ZNF804B: variants seen among roughly 807,000 people sequenced by gnomAD.
The protein encoded by ZNF804B is zinc finger protein 804B.
ZNF804B carries 80 observed loss-of-function variants against 101.4 expected under a neutral mutation model. The observed-to-expected ratio is 0.79, with a 90% CI of 0.66 to 0.95. ZNF804B has a LOEUF of 0.95. Among genes scored for constraint, ZNF804B ranks in the 40% least tolerant of loss-of-function variants. ZNF804B has a pLI of 0.00. For synonymous variants in ZNF804B, 622 were observed against 558.8 expected (o/e 1.11, Z -1.59); for missense variants, 1,673 against 1,561.9 (o/e 1.07, Z -1.20).
At chr7:88,967,105 T>G (rs1793466740) in intron 1 of ZNF804B, among the ~76,000 whole-genome samples, 1 of 151,542 alleles carries the variant, frequency 6.6e-6, no homozygotes, top group Non-Finnish European at 1.5e-5. Context: ...AACCTTTCAG[T>G]TTTTGATAGT....
At chr7:89,282,324 A>G (rs1208876) in intron 2 of ZNF804B, among the ~76,000 whole-genome samples, 114,370 of 151,922 alleles carry the variant, frequency 0.75, 44,311 homozygotes, top group African/African-American at 0.9. Context: ...ACATGTGCCT[A>G]TGGTATTGCA....
intron 2 of ZNF804B, among the ~76,000 whole-genome samples, chr7:89,308,988 T>G (rs781726021): frequency 2.2e-4 from 34 of 152,182 alleles, no homozygotes; most frequent in Non-Finnish European, 4.6e-4. Context: ...TTTATTTATT[T>G]ATTTAACTTT....
At chr7:89,125,762 A>G (rs2116372549) in intron 1 of ZNF804B, among the ~76,000 whole-genome samples, 1 of 152,244 alleles carries the variant, frequency 6.6e-6, no homozygotes, top group South Asian at 2.1e-4. Context: ...CCTTTGTTCA[A>G]GTGACTGCAA....
intron 2 of ZNF804B, among the ~76,000 whole-genome samples, chr7:89,276,639 A>G (rs1187004697): frequency 6.6e-6 from 1 of 151,972 alleles, no homozygotes; most frequent in Non-Finnish European, 1.5e-5. Context: ...AAATAAAATC[A>G]TAAAAAATTC....
At position 89,302,774 on chromosome 7, in the gene ZNF804B, C is replaced by T. The variant is rs572725361; in HGVS notation, c.250-24570C>T. Among the ~76,000 whole-genome samples the T allele has an allele frequency of 2.0e-5, 3 of 151,980 alleles. No homozygotes were observed. In the South Asian group the frequency reaches 6.2e-4, roughly 31 times the overall value. ...ACCATCTTTGTAAGAGGCCACATGC[C>T]TATCTCCATTCCCTTCAAGCACTGT... On this transcript the variant is annotated intron_variant, in intron 2 of 3. Transcript: ENST00000333190.
intron 1 of ZNF804B, among the ~76,000 whole-genome samples, chr7:89,134,875 G>A (rs568716728): frequency 4.0e-5 from 6 of 151,654 alleles, no homozygotes; most frequent in Non-Finnish European, 7.4e-5. Context: ...ACTATGTACT[G>A]TGAATGCTGA....
chr7:89,002,622 C>A (rs1788306374), intron 1 of ZNF804B, among the ~76,000 whole-genome samples: 1 of 151,760 alleles, frequency 6.6e-6, no homozygotes, highest in African/African-American at 2.4e-5. Context: ...GTCATTTTAT[C>A]TACTATCATG....
In ZNF804B at chr7:88,852,032, A is replaced by C. The variant is rs1583975843; in HGVS notation, c.108+91948A>C. Among the ~76,000 whole-genome samples the C allele has an allele frequency of 2.0e-5, 3 of 152,266 alleles. No homozygotes were observed. In the South Asian group the frequency reaches 6.2e-4, roughly 32 times the overall value. On this transcript the variant is annotated intron_variant, in intron 1 of 3. Transcript: ENST00000333190. ...CATATAGTGGTGGTGAAAAGAGGGC[A>C]GGGAGTTTTGTCATGGTAGATACCA...
intron 1 of ZNF804B, among the ~76,000 whole-genome samples, chr7:89,215,841 G>C (rs1462319434): frequency 6.6e-6 from 1 of 150,918 alleles, no homozygotes; most frequent in African/African-American, 2.4e-5. Flanking sequence ...CCGAGATCAC[G>C]CCACTGCACT....
chr7:89,233,034 G>C (rs549608542), intron 2 of ZNF804B, among the ~76,000 whole-genome samples: 89 of 152,118 alleles, frequency 5.9e-4, no homozygotes, highest in African/African-American at 2.0e-3. Context: ...CCATTTTCCT[G>C]CCTCAGCCTC....
chr7:88,928,391 A>C (rs1315666554), intron 1 of ZNF804B, among the ~76,000 whole-genome samples: 2 of 152,146 alleles, frequency 1.3e-5, no homozygotes, highest in East Asian at 3.9e-4. Flanking sequence ...AGCATTATAC[A>C]GTTTTAAGTA....
At chr7:88,952,778 A>G (rs2116071826) in intron 1 of ZNF804B, among the ~76,000 whole-genome samples, 1 of 151,878 alleles carries the variant, frequency 6.6e-6, no homozygotes, top group Non-Finnish European at 1.5e-5. Flanking sequence ...AGCTTAGGGA[A>G]CACTGTGGCA....
At chr7:89,264,345 GCA>G (rs1789752759) in intron 2 of ZNF804B, among the ~76,000 whole-genome samples, 1 of 152,184 alleles carries the variant, frequency 6.6e-6, no homozygotes, top group African/African-American at 2.4e-5. Context: ...AGAGCAGCCA[GCA>G]CACACCGTCC....
chr7:89,219,996 T>C (rs1476228743), intron 2 of ZNF804B, among the ~76,000 whole-genome samples: 1 of 140,682 alleles, frequency 7.1e-6, no homozygotes, highest in Non-Finnish European at 1.5e-5. Flanking sequence ...TGTGCATATA[T>C]GTATATGCAC....
chr7:88,954,575 G>A (rs986827065), intron 1 of ZNF804B, among the ~76,000 whole-genome samples: 1 of 151,164 alleles, frequency 6.6e-6, no homozygotes. Context: ...CACCACGGGT[G>A]GCATGAGCAG....
chr7:88,958,676 A>G (rs2007070943), intron 1 of ZNF804B, among the ~76,000 whole-genome samples: 1 of 151,438 alleles, frequency 6.6e-6, no homozygotes, highest in African/African-American at 2.4e-5. Flanking sequence ...TTTGGCCTTT[A>G]ACCTACCTCT....
intron 1 of ZNF804B, among the ~76,000 whole-genome samples, chr7:88,997,124 G>A (rs1562854939): frequency 6.6e-6 from 1 of 152,072 alleles, no homozygotes; most frequent in Non-Finnish European, 1.5e-5. Context: ...TAGGGACACT[G>A]TTCCAAACTA....
At chr7:89,144,291 G>A (rs1228262095) in intron 1 of ZNF804B, among the ~76,000 whole-genome samples, 1 of 151,930 alleles carries the variant, frequency 6.6e-6, no homozygotes, top group Non-Finnish European at 1.5e-5. Flanking sequence ...ATAGTCGTAA[G>A]CTTTAAGATC....
chr7:89,167,808 G>A (rs1791166577), intron 1 of ZNF804B, among the ~76,000 whole-genome samples: 1 of 151,992 alleles, frequency 6.6e-6, no homozygotes, highest in Non-Finnish European at 1.5e-5. Flanking sequence ...TGATTGTTAA[G>A]TTATATAACT....
Sources: allele counts gnomAD v4.1 joint callset (sites outside exome capture counted in the v4.1 genomes callset), GRCh38; gene constraint gnomAD v4.1.1; transcripts MANE v1.5; gene names NCBI Gene and HGNC (gene_info 2026-07-23, HGNC 2026-07-21).